OPN5: variants seen among roughly 807,000 people sequenced by gnomAD.
OPN5 encodes the protein opsin 5.
In OPN5, 18 loss-of-function variants were observed where a neutral mutation model predicts 41.7. The observed-to-expected ratio is 0.43, with a 90% confidence interval of 0.30 to 0.64. The LOEUF (loss-of-function observed/expected upper bound fraction) is 0.64. Among genes scored for constraint, OPN5 ranks in the 30% least tolerant of loss-of-function variants. The pLI, the probability that OPN5 is intolerant of heterozygous loss-of-function variation, is 0.13. For synonymous variants in OPN5, 178 were observed against 164.3 expected (o/e 1.08, Z -0.64); for missense variants, 318 against 434.5 (o/e 0.73, Z 2.38).
chr6:47,804,759 C>T (rs1050922531), intron 4 of OPN5, among the ~76,000 whole-genome samples: 4 of 152,104 alleles, frequency 2.6e-5, no homozygotes, highest in Admixed American at 1.3e-4. Context: ...TAGATTTATT[C>T]TAATCCCAGA....
Position 47,791,989 on chromosome 6 carries a change from C to G in OPN5, c.421+17C>G. The G allele has an allele frequency of 6.3e-7, 1 of 1,599,448 alleles. No individual in the cohort carries two copies. Among genetic ancestry groups the G allele is most frequent in the Non-Finnish European group, 8.6e-7 (1 of 1,168,092 alleles). On this transcript the variant is annotated intron_variant, in intron 3 of 6. Coordinates refer to ENST00000371211, the Ensembl canonical transcript of OPN5. ...TATCTTATGGTAAGTTGGCAGGTTT[C>G]TCATTCCCTGACAGTTAAAGCTAGG...
intron 4 of OPN5, among the ~76,000 whole-genome samples, chr6:47,799,097 C>T (rs1389228834): frequency 6.6e-6 from 1 of 151,962 alleles, no homozygotes; most frequent in Non-Finnish European, 1.5e-5. Context: ...AAACCTTTCT[C>T]TACTTTGTAG....
chr6:47,782,125 A>T lies in OPN5; in HGVS notation c.59A>T (p.Asp20Val), dbSNP rs1773107467. Residue 20 changes from aspartate to valine, a missense_variant, in exon 1 of 7, where the codon GAT (aspartate) becomes GTT (valine). Asp to Val is a radical substitution (Grantham distance 152). Around this residue, in one of 3 missense-constraint regions of OPN5, gnomAD observed 46 missense variants for 44.0 expected, o/e 1.05. Coordinates refer to ENST00000371211, the Ensembl canonical transcript of OPN5. ...GAGCGCCTGCCCCATTACCTTCGAG[A>T]TGGGGATCCTTTTGCTTCCAAACTT... is the stretch of plus-strand genomic sequence containing the variant. 14 of 1,613,576 alleles carry T rather than the reference A, an allele frequency of 8.7e-6. No homozygotes were observed. The East Asian group carries it at 1.1e-4, about 13-fold the overall frequency.
intron 2 of OPN5, among the ~76,000 whole-genome samples, 177 bp from the exon 3 acceptor site, chr6:47,791,625 G>C (rs1415912789): frequency 6.6e-6 from 1 of 152,192 alleles, no homozygotes; most frequent in African/African-American, 2.4e-5. Flanking sequence ...TTCAAACTGA[G>C]TTTATTCATA....
chr6:47,794,110 G>A (rs2113960831), intron 3 of OPN5, among the ~76,000 whole-genome samples: 1 of 152,208 alleles, frequency 6.6e-6, no homozygotes, highest in Middle Eastern at 3.4e-3. Context: ...TGCAAAGCAG[G>A]CCCCTTACAT....
chr6:47,782,249 C>T, intron 1 of OPN5, 53 bp downstream of exon 1: 1 of 1,561,854 alleles, frequency 6.4e-7, no homozygotes, highest in Non-Finnish European at 8.8e-7. Context: ...AATTCATGGG[C>T]TGATATGTTA....
At position 47,800,221 on chromosome 6, in the gene OPN5, G is replaced by A. The variant is rs538535350; in HGVS notation, c.756+4658G>A. Among the ~76,000 whole-genome samples, 168 of 152,312 alleles carry A rather than the reference G, an allele frequency of 1.1e-3. 1 individual carries two copies. The highest frequency in any genetic ancestry group is 3.7e-3 in the African/African-American group (154 of 41,574). On this transcript the variant is annotated intron_variant, in intron 4 of 6. Coordinates refer to ENST00000371211, the Ensembl canonical transcript of OPN5. ...GTTTAATAGCCATGAGGCCAGCCAT[G>A]CCAGATGGGAAATGGAGTTAGTACC...
chr6:47,821,964 T>C (rs959411821), intron 6 of OPN5, among the ~76,000 whole-genome samples: 7 of 151,948 alleles, frequency 4.6e-5, no homozygotes, highest in Non-Finnish European at 8.8e-5. Flanking sequence ...ATATAAAAAT[T>C]AGCTGGGCGC....
At chr6:47,818,357 T>C (rs1295056211) in intron 6 of OPN5, among the ~76,000 whole-genome samples, 1 of 152,178 alleles carries the variant, frequency 6.6e-6, no homozygotes. Context: ...GCTGATAAAA[T>C]GACTTAAATG....
chr6:47,820,600 C>G (rs1295794712), intron 6 of OPN5, among the ~76,000 whole-genome samples: 3 of 152,144 alleles, frequency 2.0e-5, no homozygotes, highest in Non-Finnish European at 4.4e-5. Context: ...CAAATCCTAA[C>G]TTGGCTTTTC....
At chr6:47,820,889 G>A (rs1215763083) in intron 6 of OPN5, among the ~76,000 whole-genome samples, 1 of 152,146 alleles carries the variant, frequency 6.6e-6, no homozygotes, top group Non-Finnish European at 1.5e-5. Context: ...ACTGTTGACC[G>A]GAAGCCTTAC....
At chr6:47,800,526 G>A (rs1773729559) in intron 4 of OPN5, among the ~76,000 whole-genome samples, 1 of 152,208 alleles carries the variant, frequency 6.6e-6, no homozygotes, top group South Asian at 2.1e-4. Context: ...TTATTTGCAG[G>A]AGTAATTGGG....
At chr6:47,793,193 C>CA (rs1773440974) in intron 3 of OPN5, among the ~76,000 whole-genome samples, 1 of 152,038 alleles carries the variant, frequency 6.6e-6, no homozygotes, top group South Asian at 2.1e-4. Flanking sequence ...GATAAGAAGG[C>CA]AAAAAAGTTA....
intron 1 of OPN5, among the ~76,000 whole-genome samples, chr6:47,784,986 T>A (rs1021186865): frequency 2.6e-5 from 4 of 152,174 alleles, no homozygotes; most frequent in African/African-American, 7.2e-5. Context: ...TTACATGCAA[T>A]GAATAGAGAG....
In OPN5 at chr6:47,786,472, A is replaced by C. The variant is rs755971013; in HGVS notation, c.131-43A>C. 3.8e-6 allele frequency: 6 copies of C among 1,577,256 alleles called. No individual in the cohort carries two copies. In the South Asian group the frequency reaches 5.7e-5, roughly 15 times the overall value. The stretch of plus-strand genomic sequence containing the variant: ...AGTGTTTCATATCTGAGTGAACTCG[A>C]AATCTTAGTTTTAACGATTGGAATT... On this transcript the variant is annotated intron_variant, in intron 1 of 6. Transcript: ENST00000371211.
chr6:47,787,052 A>G, intron 2 of OPN5: 5 of 988,968 alleles, frequency 5.1e-6, no homozygotes, highest in Non-Finnish European at 6.0e-6. Flanking sequence ...TTGAAGGGTA[A>G]ATGACAGTTG....
intron 4 of OPN5, among the ~76,000 whole-genome samples, chr6:47,796,801 T>C (rs1206126608): frequency 6.6e-6 from 1 of 152,222 alleles, no homozygotes; most frequent in Non-Finnish European, 1.5e-5. Flanking sequence ...AAAGATCTCT[T>C]GGTTGCATAT....
At chr6:47,794,040 T>G (rs1340373175) in intron 3 of OPN5, among the ~76,000 whole-genome samples, 1 of 152,222 alleles carries the variant, frequency 6.6e-6, no homozygotes, top group Non-Finnish European at 1.5e-5. Flanking sequence ...TTATTAGCGC[T>G]AAATGAGATA....
chr6:47,809,983 A>T (rs978503390), intron 5 of OPN5, among the ~76,000 whole-genome samples: 1 of 152,224 alleles, frequency 6.6e-6, no homozygotes, highest in Non-Finnish European at 1.5e-5. Flanking sequence ...TGTTCTGTAC[A>T]TTCACTCACA....
Sources: allele counts gnomAD v4.1 joint callset (sites outside exome capture counted in the v4.1 genomes callset), GRCh38; gene constraint gnomAD v4.1.1; regional missense constraint gnomAD v4.1.1; transcripts MANE v1.5; gene names NCBI Gene and HGNC (gene_info 2026-07-23, HGNC 2026-07-21).